INPP5J: variants seen among roughly 807,000 people sequenced by gnomAD.
INPP5J encodes the protein inositol polyphosphate-5-phosphatase J, also known as phosphatidylinositol 4,5-bisphosphate 5-phosphatase A.
Under a neutral mutation model 86.6 loss-of-function variants are expected in INPP5J, and 75 were observed. The ratio of observed to expected loss-of-function variants is 0.87; its 90% confidence interval spans 0.72 to 1.05. INPP5J has a LOEUF of 1.05. INPP5J is among the 50% of genes least tolerant of loss of function. The pLI, the probability that INPP5J is intolerant of heterozygous loss-of-function variation, is 0.00. For synonymous variants in INPP5J, 540 were observed against 550.0 expected, an observed-to-expected ratio of 0.98 and a Z score of 0.25; for missense variants, 1,229 against 1,341.2, an observed-to-expected ratio of 0.92 and a Z score of 1.31.
intron 11 of INPP5J, 43 bp downstream of exon 11, chr22:31,133,526 C>T (rs1253394409): frequency 1.2e-6 from 2 of 1,602,168 alleles, no homozygotes; most frequent in African/African-American, 2.7e-5. Flanking sequence ...TCCTTGTTGC[C>T]TTTGGGACCT....
chr22:31,124,389 T>G lies in INPP5J; in HGVS notation c.106-456T>G, dbSNP rs957067656. ...AACAAGCTGCACCTGTAGGTCTGTA[T>G]CTTGACAATAGAAAAAGAAAAGAAA... is the stretch of plus-strand genomic sequence containing the variant. On this transcript the variant is annotated intron_variant, in intron 1 of 12. Transcript: ENST00000331075. 24 of 819,072 alleles carry G rather than the reference T, an allele frequency of 2.9e-5. No homozygotes were observed. The Admixed American group carries it at 4.8e-4, about 16-fold the overall frequency. The allele number at this position is 819,072 out of a possible 1,614,324, so 50.7% of individuals were successfully genotyped here. A position where few individuals can be genotyped will look rare whatever the true frequency, so the allele number is the denominator to read the frequency against.
In INPP5J at chr22:31,123,171, A is replaced by AC. The variant is rs1346960496; in HGVS notation, c.105+53dup. 5.3e-6 allele frequency: 6 copies of AC among 1,134,894 alleles called. No homozygotes were observed. The African/African-American group carries it at 6.7e-5, about 13-fold the overall frequency. The allele number at this position is 1,134,894 out of a possible 1,614,324, so 70.3% of individuals were successfully genotyped here. A position where few individuals can be genotyped will look rare whatever the true frequency, so the allele number is the denominator to read the frequency against. ...CCGCTTTCCTGATCCCTGGTTCCAC[A>AC]CACCCCCCCCACATACACTGCAGGC... On this transcript the variant is annotated intron_variant, in intron 1 of 12. Transcript: ENST00000331075.
Position 31,125,949 on chromosome 22 carries a change from T to A in INPP5J, c.1210T>A (p.Ser404Thr). The A allele has an allele frequency of 1.2e-6, 2 of 1,610,732 alleles. No homozygotes were observed. Among genetic ancestry groups the A allele is most frequent in the Admixed American group, 3.3e-5 (2 of 59,906 alleles). Residue 404 changes from serine (S) to threonine (T), a missense_variant, in exon 2 of 13, where the codon TCC (serine) becomes ACC (threonine). Coordinates refer to ENST00000331075, the MANE Select transcript of INPP5J (RefSeq NM_001284285.2). ...PAPVTTSSST[S>T]TLSSSPWSAQ... is the part of the protein sequence containing the mutation. ...CCCAGTCACCACCTCCTCTTCTACA[T>A]CCACCCTGTCATCCTCCCCTTGGTC...
Position 31,128,535 on chromosome 22 carries a change from G to T in INPP5J, c.2074G>T (p.Gly692Cys). The change falls in exon 9 of 13, where the codon GGT (glycine) becomes TGT (cysteine). Residue 692 changes from glycine (G) to cysteine (C), a missense_variant. Coordinates refer to ENST00000331075, the MANE Select transcript of INPP5J (RefSeq NM_001284285.2). ...ATGGAAGGTCAAGGCTCCAGGTGGG[G>T]GTCCCAGCCCCTCAGGACGGAAGAG... ...ILWKVKAPGGGPSPSGRKSHR... is the reference protein window; with the variant it reads ...ILWKVKAPGGCPSPSGRKSHR... The T allele has an allele frequency of 6.2e-7, 1 of 1,613,454 alleles. No homozygotes were observed. Among genetic ancestry groups the T allele is most frequent in the Non-Finnish European group, 8.5e-7 (1 of 1,179,872 alleles).
chr22:31,131,432 G>A (rs867193806), intron 9 of INPP5J, among the ~76,000 whole-genome samples: 9 of 152,034 alleles, frequency 5.9e-5, no homozygotes, highest in Admixed American at 1.3e-4. Context: ...GTGTGGTGGT[G>A]CGCACCTGTA....
intron 9 of INPP5J, among the ~76,000 whole-genome samples, chr22:31,129,053 C>A (rs951142974): frequency 2.7e-5 from 4 of 150,164 alleles, no homozygotes; most frequent in Non-Finnish European, 5.9e-5. Flanking sequence ...CTGCCTCAGC[C>A]TCCTGAGTAG....
rs1271662084 is a variant in INPP5J, at chr22:31,124,847, G to A, written c.108G>A (p.Val36=). Residue 36 remains valine (V), a splice_region_variant and synonymous_variant, in exon 2 of 13, where the codon GTG becomes GTA. Coordinates refer to ENST00000331075, the MANE Select transcript of INPP5J (RefSeq NM_001284285.2). ...ATCTTTGACTTGTCCTCCACAAGGT[G>A]GACTCAAGTTTTCAGCTCCCAGCAA... is the stretch of plus-strand genomic sequence containing the variant. ...GVAQTGAPSK[V]DSSFQLPAKK... 1.9e-6 allele frequency: 3 copies of A among 1,608,984 alleles called. No homozygotes were observed. Among genetic ancestry groups the A allele is most frequent in the Non-Finnish European group, 2.6e-6 (3 of 1,176,304 alleles).
intron 9 of INPP5J, among the ~76,000 whole-genome samples, chr22:31,130,825 T>C (rs5753469): frequency 0.74 from 113,183 of 152,128 alleles, 43,008 homozygotes; most frequent in South Asian, 0.93. Flanking sequence ...GACATCAAAA[T>C]GGGAAATCCT....
chr22:31,132,796 C>G (rs181009738), intron 9 of INPP5J, among the ~76,000 whole-genome samples: 31 of 151,778 alleles, frequency 2.0e-4, no homozygotes, highest in African/African-American at 7.2e-4. Flanking sequence ...CCCTGGCATT[C>G]AGAGAGGCTG....
In INPP5J at chr22:31,134,409, TG is replaced by T. The variant is rs771240566; in HGVS notation, c.3015del (p.Ter1007GlufsTer58). The T allele has an allele frequency of 1.3e-5, 19 of 1,459,500 alleles. No individual in the cohort carries two copies. Among genetic ancestry groups the T allele is most frequent in the Admixed American group, 2.7e-5 (1 of 37,684 alleles). The allele number at this position is 1,459,500 out of a possible 1,614,324, so 90.4% of individuals were successfully genotyped here. A position where few individuals can be genotyped will look rare whatever the true frequency, so the allele number is the denominator to read the frequency against. On this transcript the variant is annotated frameshift_variant, in exon 13 of 13. Coordinates refer to ENST00000331075, the MANE Select transcript of INPP5J (RefSeq NM_001284285.2). LOFTEE classifies it high-confidence loss of function. ...CATCGGGGGCTGGAGGAAGGGGGCCTGGGGCCCTGAGGGTGGGGTAGGCAGA... is the reference window on the plus strand; with the variant it reads ...CATCGGGGGCTGGAGGAAGGGGGCCTGGGCCCTGAGGGTGGGGTAGGCAGA... Reference protein sequence around the residue: ...QGHRGLEEGGLGP With the variant: ...QGHRGLEEGGXGP
At chr22:31,122,954 C>G, upstream of INPP5J, 1 of 1,141,728 alleles carries the variant, frequency 8.8e-7, no homozygotes, top group South Asian at 1.9e-5. Context: ...ATCACTGGTT[C>G]CCGGGAGCGG....
Position 31,134,136 on chromosome 22 carries a change from C to T in INPP5J, c.2738C>T (p.Pro913Leu). 1.9e-6 allele frequency: 3 copies of T among 1,550,198 alleles called. No individual in the cohort carries two copies. The highest frequency in any genetic ancestry group is 2.6e-6 in the Non-Finnish European group (3 of 1,146,736). ...GAACGCCGTGGTGCCAGCCGTAGCC[C>T]CTCACCCCAGAGCCGCCGCCTGTCC... Reference protein sequence around the residue: ...SRERRGASRSPSPQSRRLSRV... With the variant: ...SRERRGASRSLSPQSRRLSRV... The change falls in exon 13 of 13, where the codon CCC (proline) becomes CTC (leucine). Residue 913 changes from proline (P) to leucine (L), a missense_variant. Transcript: ENST00000331075.
At chr22:31,132,128 C>T (rs534307366) in intron 9 of INPP5J, among the ~76,000 whole-genome samples, 9 of 152,242 alleles carry the variant, frequency 5.9e-5, no homozygotes, top group African/African-American at 1.2e-4. Context: ...AGTTAGTAAC[C>T]GCTTAGTACT....
rs545137127 is a variant in INPP5J, at chr22:31,128,494, G to A, written c.2033G>A (p.Trp678Ter). 3.3e-5 allele frequency: 53 copies of A among 1,613,512 alleles called. 2 individuals carry two copies. The South Asian group carries it at 5.6e-4, about 17-fold the overall frequency. Residue 678 changes from tryptophan (W) to a stop codon, truncating the protein, a stop_gained, in exon 9 of 13, where the codon TGG becomes TAG. Coordinates refer to ENST00000331075, the MANE Select transcript of INPP5J (RefSeq NM_001284285.2). LOFTEE classifies it high-confidence loss of function. ...DTSAKKRKPAWTDRILWKVKA... is the reference protein window; with the variant it reads ...DTSAKKRKPA ...AGTGCCAAGAAACGGAAGCCAGCTT[G>A]GACAGACCGTATCCTATGGAAGGTC...
chr22:31,125,255 C>T lies in INPP5J; in HGVS notation c.516C>T (p.Ala172=). 1 of 1,550,546 alleles carries T rather than the reference C, an allele frequency of 6.4e-7. No individual in the cohort carries two copies. The highest frequency in any genetic ancestry group is 1.2e-5 in the South Asian group (1 of 84,066). Residue 172 remains alanine, a synonymous_variant, in exon 2 of 13, where the codon GCC becomes GCT. Transcript: ENST00000331075. The part of the protein sequence containing the change: ...TSRDQKQEPP[A]SVGPKPTLAA... ...GAGACCAGAAGCAGGAGCCACCTGC[C>T]TCCGTGGGACCCAAGCCAACACTGG...
rs755068922 is a variant in INPP5J, at chr22:31,126,959, G to A, written c.1533G>A (p.Leu511=). 6.2e-7 allele frequency: 1 copy of A among 1,610,940 alleles called. No individual in the cohort carries two copies. The highest frequency in any genetic ancestry group is 8.5e-7 in the Non-Finnish European group (1 of 1,178,598). ...SVRMQGVILL[L]FAKYYHLPFL... ...GGATGCAGGGTGTCATCCTGCTGCT[G>A]TTCGCCAAGTACTACCACCTGCCCT... The change falls in exon 5 of 13, where the codon CTG becomes CTA. Residue 511 remains leucine (L), a synonymous_variant. Coordinates refer to ENST00000331075, the MANE Select transcript of INPP5J (RefSeq NM_001284285.2).
chr22:31,133,831 CGA>C, intron 12 of INPP5J, 80 bp from the exon 13 acceptor site: 1 of 1,590,410 alleles, frequency 6.3e-7, no homozygotes, highest in Admixed American at 1.7e-5. Context: ...GATCTGCCAA[CGA>C]GAGAGGCAGA....
At position 31,134,114 on chromosome 22, in the gene INPP5J, C is replaced by A. The variant is rs112969065; in HGVS notation, c.2716C>A (p.Arg906Ser). Residue 906 changes from arginine to serine, a missense_variant, in exon 13 of 13, where the codon CGC becomes AGC. By Grantham distance (110) the Arg-to-Ser change is moderately radical. Transcript: ENST00000331075. ...GLALRPSSRE[R>S]RGASRSPSPQ... Reference sequence around the variant, plus strand: ...TGCCCTACGGCCCTCATCCCGTGAACGCCGTGGTGCCAGCCGTAGCCCCTC... The same window carrying A: ...TGCCCTACGGCCCTCATCCCGTGAAAGCCGTGGTGCCAGCCGTAGCCCCTC... 1 of 1,551,826 alleles carries A rather than the reference C, an allele frequency of 6.4e-7. No homozygotes were observed. The highest frequency in any genetic ancestry group is 1.2e-5 in the South Asian group (1 of 84,210).
chr22:31,133,543 T>C (rs1922283522), intron 11 of INPP5J, 60 bp downstream of exon 11: 3 of 1,593,030 alleles, frequency 1.9e-6, no homozygotes, highest in Middle Eastern at 1.7e-4. Context: ...ACCTCAGAAC[T>C]CACCTTGGGG....
Sources: gnomAD v4.1 joint callset for allele counts (sites outside exome capture counted in the v4.1 genomes callset) on GRCh38, gnomAD v4.1.1 for gene constraint, MANE v1.5 for transcripts, NCBI Gene and HGNC (gene_info 2026-07-23, HGNC 2026-07-21) for gene names.